Variants in SERGEF observed in about 807,000 individuals in gnomAD.
SERGEF encodes the protein secretion-regulating guanine nucleotide exchange factor.
A neutral mutation model predicts 50.0 loss-of-function variants in SERGEF; 51 were observed. The observed-to-expected ratio is 1.02, with a 90% CI of 0.81 to 1.29. The LOEUF (loss-of-function observed/expected upper bound fraction) is 1.29, where lower values mean the gene tolerates loss of function less well. SERGEF is among the 50% of genes most tolerant of loss of function. The probability of loss-of-function intolerance (pLI) is 0.00; values close to 1 mark genes in which losing one functional copy is unlikely to be tolerated. For synonymous variants in SERGEF, 205 were observed against 212.4 expected, an observed-to-expected ratio of 0.97 and a Z score of 0.30; for missense variants, 521 against 557.0, an observed-to-expected ratio of 0.94 and a Z score of 0.65.
intron 10 of SERGEF, among the ~76,000 whole-genome samples, chr11:17,838,290 A>C (rs576468432): frequency 1.3e-5 from 2 of 152,360 alleles, no homozygotes; most frequent in South Asian, 4.1e-4. Context: ...GGGAAGGATG[A>C]TGTTTCCTGA....
chr11:17,995,596 T>C (rs1167543733), intron 6 of SERGEF, among the ~76,000 whole-genome samples, 200 bp downstream of exon 6: 3 of 152,276 alleles, frequency 2.0e-5, no homozygotes, highest in Non-Finnish European at 4.4e-5. Flanking sequence ...CCTCAATCGG[T>C]TCCAAACTCT....
At position 17,997,776 on chromosome 11, in the gene SERGEF, C is replaced by CA. The variant is rs1249334747; in HGVS notation, c.509-1868dup. Among the ~76,000 whole-genome samples the CA allele has an allele frequency of 6.6e-5, 10 of 152,160 alleles. No individual in the cohort carries two copies. The East Asian group carries it at 1.9e-3, about 29-fold the overall frequency. ...TGCTAAGTGAAATATACGCCAGTCA[C>CA]AAAAAAGACAAATACTGTATGATTC... On this transcript the variant is annotated intron_variant, in intron 5 of 10. Transcript: ENST00000265965.
chr11:17,939,428 C>T (rs1852518404), intron 9 of SERGEF: 1 of 152,226 alleles, frequency 6.6e-6, no homozygotes, highest in Non-Finnish European at 1.5e-5. Flanking sequence ...GTAAATCAGG[C>T]AAGAGTATTT....
chr11:17,855,135 C>T (rs1850793590), intron 10 of SERGEF: 1 of 152,098 alleles, frequency 6.6e-6, no homozygotes, highest in African/African-American at 2.4e-5. Context: ...ACTTTTTATA[C>T]AAAATTATTA....
Position 17,988,767 on chromosome 11 carries a change from A to G in SERGEF, c.686-12T>C. The G allele has an allele frequency of 1.2e-6, 2 of 1,612,466 alleles. No individual in the cohort carries two copies. The highest frequency in any genetic ancestry group is 2.2e-5 in the South Asian group (2 of 90,806). ...CACCTCTCCTGCATCTTAAACAAAC[A>G]GAAGGGTAACAAAAGAGGTGAGGGA... On this transcript the variant is annotated splice_polypyrimidine_tract_variant and intron_variant, in intron 7 of 10. Coordinates refer to ENST00000265965, the MANE Select transcript of SERGEF (RefSeq NM_012139.4).
chr11:17,956,004 C>T (rs1401333610), intron 9 of SERGEF, among the ~76,000 whole-genome samples: 1 of 152,162 alleles, frequency 6.6e-6, no homozygotes, highest in Non-Finnish European at 1.5e-5. Context: ...CCCTGACATG[C>T]GCTTGGTGGG....
intron 10 of SERGEF, among the ~76,000 whole-genome samples, chr11:17,807,879 T>G (rs1396726004): frequency 6.6e-6 from 1 of 152,214 alleles, no homozygotes; most frequent in Non-Finnish European, 1.5e-5. Flanking sequence ...CCCCCAGTCC[T>G]GCCCACTTAA....
At chr11:17,870,869 T>C (rs1385614046) in intron 10 of SERGEF, among the ~76,000 whole-genome samples, 1 of 152,176 alleles carries the variant, frequency 6.6e-6, no homozygotes, top group Non-Finnish European at 1.5e-5. Context: ...AGTGTGATAC[T>C]AGCATACAAA....
intron 8 of SERGEF, among the ~76,000 whole-genome samples, chr11:17,984,009 G>A (rs986905266): frequency 6.6e-5 from 10 of 152,176 alleles, no homozygotes; most frequent in African/African-American, 2.4e-4. Flanking sequence ...GTGAGAAATG[G>A]GACTGGAAAG....
intron 9 of SERGEF, among the ~76,000 whole-genome samples, chr11:17,927,692 T>C (rs1273872020): frequency 6.6e-6 from 1 of 152,240 alleles, no homozygotes; most frequent in Non-Finnish European, 1.5e-5. Flanking sequence ...TCCTTGCTAC[T>C]CAGAACACAG....
At chr11:18,010,508 C>A (rs772836680) in intron 1 of SERGEF, among the ~76,000 whole-genome samples, 1 of 152,160 alleles carries the variant, frequency 6.6e-6, no homozygotes, top group African/African-American at 2.4e-5. Context: ...TTTTACTATA[C>A]CTTACTGTGT....
chr11:17,940,726 A>G (rs1852545972), intron 9 of SERGEF, among the ~76,000 whole-genome samples: 1 of 152,082 alleles, frequency 6.6e-6, no homozygotes, highest in Non-Finnish European at 1.5e-5. Flanking sequence ...GGGACACGCC[A>G]CCATGACCGG....
At chr11:17,980,544 C>T (rs1443978905) in intron 8 of SERGEF, among the ~76,000 whole-genome samples, 2 of 152,070 alleles carry the variant, frequency 1.3e-5, no homozygotes, top group African/African-American at 4.8e-5. Flanking sequence ...ACTCATAATC[C>T]CACCTGGCCC....
chr11:17,812,278 G>T (rs1230521327), intron 10 of SERGEF, among the ~76,000 whole-genome samples: 1 of 152,192 alleles, frequency 6.6e-6, no homozygotes, highest in East Asian at 1.9e-4. Context: ...CCCTTAAGAG[G>T]GGTAGGCACA....
intron 8 of SERGEF, among the ~76,000 whole-genome samples, chr11:17,976,992 G>C (rs1853390592): frequency 6.6e-6 from 1 of 152,238 alleles, no homozygotes; most frequent in East Asian, 1.9e-4. Context: ...AGGCTCTGTG[G>C]CCTGGGCTTC....
intron 9 of SERGEF, among the ~76,000 whole-genome samples, chr11:17,898,476 C>T (rs562531257): frequency 2.6e-5 from 4 of 152,198 alleles, no homozygotes; most frequent in Non-Finnish European, 5.9e-5. Context: ...ACTAACCTCA[C>T]AGGACTATCC....
chr11:17,795,188 G>A (rs1849553511), intron 10 of SERGEF, among the ~76,000 whole-genome samples: 1 of 152,228 alleles, frequency 6.6e-6, no homozygotes, highest in Non-Finnish European at 1.5e-5. Context: ...TACATGTCAG[G>A]AAGGATGGGG....
At chr11:17,898,929 C>G (rs1851695057) in intron 9 of SERGEF, among the ~76,000 whole-genome samples, 1 of 152,218 alleles carries the variant, frequency 6.6e-6, no homozygotes, top group South Asian at 2.1e-4. Flanking sequence ...GATTTAGCAC[C>G]ACCCTCTCGG....
At chr11:17,857,587 T>C (rs1850844933) in intron 10 of SERGEF, among the ~76,000 whole-genome samples, 1 of 152,204 alleles carries the variant, frequency 6.6e-6, no homozygotes, top group Non-Finnish European at 1.5e-5. Flanking sequence ...CTGATCTTAG[T>C]AAATTTCCTT....
Sources: allele counts gnomAD v4.1 joint callset (sites outside exome capture counted in the v4.1 genomes callset), GRCh38; gene constraint gnomAD v4.1.1; transcripts MANE v1.5; gene names NCBI Gene and HGNC (gene_info 2026-07-23, HGNC 2026-07-21).